The following BMS1 variants were observed in gnomAD, a reference collection of about 807,000 sequenced individuals.
BMS1 encodes the protein BMS1 ribosome biogenesis factor.
A neutral mutation model predicts 138.7 loss-of-function variants in BMS1; 53 were observed. The ratio of observed to expected loss-of-function variants is 0.38; its 90% CI spans 0.31 to 0.48. The LOEUF (loss-of-function observed/expected upper bound fraction) is 0.48. Among genes scored for constraint, BMS1 ranks in the 20% least tolerant of loss-of-function variants. BMS1 has a pLI of 0.97. For synonymous variants in BMS1, 504 were observed against 539.9 expected, an observed-to-expected ratio of 0.93 and a Z score of 0.92; for missense variants, 1,360 against 1,565.5, an observed-to-expected ratio of 0.87 and a Z score of 2.22.
intron 21 of BMS1, among the ~76,000 whole-genome samples, chr10:42,826,693 T>C (rs1466684259): frequency 6.6e-6 from 1 of 152,230 alleles, no homozygotes; most frequent in East Asian, 1.9e-4. Flanking sequence ...AATGCCATTT[T>C]CCTGGGACGT....
intron 18 of BMS1, 146 bp downstream of exon 18, chr10:42,821,138 A>G (rs1842493380): frequency 1.4e-6 from 1 of 708,690 alleles, no homozygotes; most frequent in Non-Finnish European, 2.3e-6. Flanking sequence ...ATCTTCCTAC[A>G]TCGTTTTCAG....
At chr10:42,805,568 A>C (rs575945780) in intron 13 of BMS1, among the ~76,000 whole-genome samples, 1 of 152,348 alleles carries the variant, frequency 6.6e-6, no homozygotes, top group South Asian at 2.1e-4. Context: ...CTTGTAAACA[A>C]TTTGGGAAAA....
At chr10:42,793,777 G>T in intron 8 of BMS1, 75 bp from the exon 9 acceptor site, 1 of 1,502,546 alleles carries the variant, frequency 6.7e-7, no homozygotes, top group South Asian at 1.3e-5. Context: ...ATAATTTTGA[G>T]AAACTGAGTG....
chr10:42,784,492 A>G lies in BMS1; in HGVS notation c.98A>G (p.Asp33Gly), dbSNP rs1841259277. 1 of 1,613,992 alleles carries G rather than the reference A, an allele frequency of 6.2e-7. No homozygotes were observed. The highest frequency in any genetic ancestry group is 8.5e-7 in the Non-Finnish European group (1 of 1,179,872). Residue 33 changes from aspartate to glycine, a missense_variant, in exon 2 of 23, where the codon GAC becomes GGC. By Grantham distance (94) the Asp-to-Gly change is moderately conservative. This residue lies in a region of BMS1 where 238 missense variants were observed against 311.1 expected (regional missense o/e 0.77). Transcript: ENST00000374518. The part of the protein sequence containing the change: ...KRLLQDLQLG[D>G]EEDARKRNPK... ...CTTCTGCAGGATCTCCAGCTAGGAG[A>G]CGAAGAAGATGCCCGGAAGAGAAAT...
intron 9 of BMS1, among the ~76,000 whole-genome samples, chr10:42,794,390 C>T (rs1841608044): frequency 6.6e-6 from 1 of 152,014 alleles, no homozygotes; most frequent in South Asian, 2.1e-4. Context: ...TGTATTATCT[C>T]CTCTGGGTAG....
intron 13 of BMS1, among the ~76,000 whole-genome samples, chr10:42,805,352 A>T (rs1044336852): frequency 2.6e-5 from 4 of 152,198 alleles, no homozygotes; most frequent in Admixed American, 1.3e-4. Context: ...TTGTACCAAT[A>T]CCAACACTGT....
intron 13 of BMS1, among the ~76,000 whole-genome samples, chr10:42,803,244 T>C (rs771384623): frequency 6.6e-6 from 1 of 152,212 alleles, no homozygotes; most frequent in Non-Finnish European, 1.5e-5. Flanking sequence ...GCTTAAGAGA[T>C]ACTCCTGCCT....
At position 42,791,819 on chromosome 10, in the gene BMS1, TA is replaced by T. The variant is rs777655670; in HGVS notation, c.779+55del. 123 of 1,553,606 alleles carry T rather than the reference TA, an allele frequency of 7.9e-5. No individual in the cohort carries two copies. The African/African-American group carries it at 1.6e-3, about 20-fold the overall frequency. On this transcript the variant is annotated intron_variant, in intron 6 of 22. Transcript: ENST00000374518. ...CTTCCTGGGCCATATATTTCAAAGC[TA>T]AAAAGGCTAGAAAAAGAACAGTGAT...
intron 1 of BMS1, 57 bp from the exon 2 acceptor site, chr10:42,784,305 T>G: frequency 8.4e-7 from 1 of 1,191,620 alleles, no homozygotes; most frequent in Non-Finnish European, 1.2e-6. Flanking sequence ...TCCCTGGGTA[T>G]TGCCTGGATT....
chr10:42,795,486 ATT>A (rs1271189743), intron 9 of BMS1, among the ~76,000 whole-genome samples: 7 of 140,554 alleles, frequency 5.0e-5, no homozygotes, highest in Admixed American at 1.4e-4. Flanking sequence ...CTCCTAGCTA[ATT>A]TTTTTTTTTT....
At chr10:42,825,207 C>T (rs992281465) in intron 21 of BMS1, among the ~76,000 whole-genome samples, 1 of 152,068 alleles carries the variant, frequency 6.6e-6, no homozygotes, top group Non-Finnish European at 1.5e-5. Flanking sequence ...CAGGGTTTCA[C>T]TATGTTTGCT....
intron 22 of BMS1, among the ~76,000 whole-genome samples, 195 bp from the exon 23 acceptor site, chr10:42,830,671 G>T (rs1286818192): frequency 6.6e-6 from 1 of 152,106 alleles, no homozygotes; most frequent in African/African-American, 2.4e-5. Context: ...TCCACAGAAT[G>T]ATGAACAGAG....
Position 42,784,428 on chromosome 10 carries a change from A to G in BMS1, c.34A>G (p.Lys12Glu), listed in dbSNP as rs756836774. ...EAKDQKKHRKKNSGPKAAKKK... is the reference protein window; with the variant it reads ...EAKDQKKHRKENSGPKAAKKK... The stretch of plus-strand genomic sequence containing the variant: ...TAAGGACCAGAAGAAACACAGAAAG[A>G]AAAACAGTGGACCCAAAGCTGCAAA... The change falls in exon 2 of 23, where the codon AAA (lysine) becomes GAA (glutamate). Residue 12 changes from lysine (K) to glutamate (E), a missense_variant. Physicochemically the swap from Lys to Glu is moderately conservative, Grantham distance 56. Transcript: ENST00000374518. The G allele has an allele frequency of 6.2e-7, 1 of 1,611,888 alleles. No individual in the cohort carries two copies. Among genetic ancestry groups the G allele is most frequent in the Non-Finnish European group, 8.5e-7 (1 of 1,179,722 alleles).
At chr10:42,820,902 C>G (rs3982208) in intron 17 of BMS1, 32 bp from the exon 18 acceptor site, 2 of 1,585,490 alleles carry the variant, frequency 1.3e-6, no homozygotes, top group South Asian at 2.2e-5. Context: ...ATTTGTGGTT[C>G]GCTATATTTC....
At chr10:42,802,854 A>T (rs1465146046) in intron 13 of BMS1, among the ~76,000 whole-genome samples, 1 of 151,854 alleles carries the variant, frequency 6.6e-6, no homozygotes, top group East Asian at 1.9e-4. Flanking sequence ...AATTTTTTCA[A>T]TATCTAAGTA....
Position 42,823,744 on chromosome 10 carries a change from A to G in BMS1, c.3416A>G (p.His1139Arg), listed in dbSNP as rs1350512904. 4.4e-6 allele frequency: 7 copies of G among 1,595,600 alleles called. No homozygotes were observed. Among genetic ancestry groups the G allele is most frequent in the East Asian group, 4.5e-5 (2 of 44,860 alleles). The change falls in exon 21 of 23, where the codon CAT becomes CGT. Residue 1139 changes from histidine to arginine, a missense_variant. By Grantham distance (29) the His-to-Arg change is conservative. Coordinates refer to ENST00000374518, the MANE Select transcript of BMS1 (RefSeq NM_014753.4). ...MRTTGQLRLAHGVRLKANKDS... is the reference protein window; with the variant it reads ...MRTTGQLRLARGVRLKANKDS... ...ACCACGGGCCAACTCAGGCTCGCCC[A>G]TGGCGTCAGACTAAAGGCGAACAAG...
intron 9 of BMS1, 119 bp downstream of exon 9, chr10:42,794,110 T>C (rs1841599011): frequency 1.7e-6 from 2 of 1,180,348 alleles, no homozygotes; most frequent in East Asian, 5.1e-5. Flanking sequence ...TTTGTTTTTC[T>C]TTGTGTGTGC....
intron 4 of BMS1, 111 bp downstream of exon 4, chr10:42,787,358 G>A: frequency 1.2e-6 from 1 of 851,092 alleles, no homozygotes; most frequent in Non-Finnish European, 2.0e-6. Flanking sequence ...AAGAATCATG[G>A]TCATCATCAG....
At chr10:42,790,615 A>G in intron 5 of BMS1, 104 bp downstream of exon 5, 2 of 1,246,268 alleles carry the variant, frequency 1.6e-6, no homozygotes, top group Non-Finnish European at 2.2e-6. Context: ...GCACTTTGCA[A>G]GGCAGAGGCG....
Sources: gnomAD v4.1 joint callset for allele counts (sites outside exome capture counted in the v4.1 genomes callset) on GRCh38, gnomAD v4.1.1 for gene constraint, gnomAD v4.1.1 regional missense constraint, MANE v1.5 for transcripts, NCBI Gene and HGNC (gene_info 2026-07-23, HGNC 2026-07-21) for gene names.